The following TMEM67 variants were observed in gnomAD, a reference collection of about 807,000 sequenced individuals.
TMEM67 encodes the protein transmembrane protein 67.
TMEM67 carries 124 observed loss-of-function variants against 136.6 expected under a neutral mutation model. The ratio of observed to expected loss-of-function variants is 0.91; its 90% CI spans 0.78 to 1.05. The LOEUF (loss-of-function observed/expected upper bound fraction) is 1.05, where lower values mean the gene tolerates loss of function less well. TMEM67 is among the 50% of genes least tolerant of loss of function. The pLI, the probability that TMEM67 is intolerant of heterozygous loss-of-function variation, is 0.00. For missense variants in TMEM67, 1,107 were observed against 1,178.4 expected (o/e 0.94, Z 0.89); for synonymous variants, 364 against 390.5 (o/e 0.93, Z 0.80).
At chr8:93,782,660 G>A (rs1170926756) in intron 11 of TMEM67, among the ~76,000 whole-genome samples, 200 bp downstream of exon 11, 2 of 139,002 alleles carry the variant, frequency 1.4e-5, no homozygotes, top group East Asian at 2.4e-4. Context: ...CACAACCTCC[G>A]CCTCCCAGGT....
chr8:93,773,283 G>A (rs184937937), intron 7 of TMEM67, among the ~76,000 whole-genome samples: 4 of 152,292 alleles, frequency 2.6e-5, no homozygotes, highest in East Asian at 1.9e-4. Context: ...GGAGCAGAGT[G>A]AGCAGGGAAA....
intron 21 of TMEM67, 59 bp downstream of exon 21, chr8:93,799,817 C>A: frequency 7.2e-7 from 1 of 1,392,980 alleles, no homozygotes; most frequent in Non-Finnish European, 1.0e-6. Flanking sequence ...ATAACTCTGC[C>A]TAATTACTGA....
intron 13 of TMEM67, among the ~76,000 whole-genome samples, chr8:93,787,610 T>G (rs1290751767): frequency 6.6e-6 from 1 of 152,352 alleles, no homozygotes; most frequent in South Asian, 2.1e-4. Flanking sequence ...TTTGGTTTGC[T>G]TTTTCTTTAA....
chr8:93,788,034 T>A, intron 14 of TMEM67, 85 bp downstream of exon 14: 3 of 200,934 alleles, frequency 1.5e-5, no homozygotes, highest in Non-Finnish European at 2.7e-5. Context: ...AAAGACAGTC[T>A]TTTTTTTTTT....
intron 7 of TMEM67, among the ~76,000 whole-genome samples, chr8:93,778,182 T>C (rs151145587): frequency 0.012 from 1,797 of 152,312 alleles, 78 homozygotes; most frequent in Admixed American, 0.083. Context: ...CAATGCCTGC[T>C]TTCTTTTGCT....
intron 9 of TMEM67, 108 bp downstream of exon 9, chr8:93,781,090 TACTAA>T: frequency 2.7e-6 from 2 of 748,716 alleles, no homozygotes; most frequent in South Asian, 3.0e-5. Context: ...CAAACTCAGT[TACTAA>T]ACTAAATATA....
At chr8:93,824,648 C>A in the TMEM67 span, among the ~76,000 whole-genome samples, 1 of 152,242 alleles carries the variant, frequency 6.6e-6, no homozygotes, top group East Asian at 1.9e-4. Context: ...GAATTCCCAA[C>A]TTCTCTATTT....
At chr8:93,820,821 A>G (rs1184429388), downstream of TMEM67, among the ~76,000 whole-genome samples, 1 of 152,230 alleles carries the variant, frequency 6.6e-6, no homozygotes, top group Non-Finnish European at 1.5e-5. Flanking sequence ...ACTAGAGACT[A>G]CATTAAGACA....
At position 93,781,633 on chromosome 8, in the gene TMEM67, G is replaced by C. The variant is rs746151126; in HGVS notation, c.979-25G>C. Reference sequence around the variant, plus strand: ...GTATTACTTTCAGAGTATTTGACCTGATTTTGCTCGTTTTCTTTAATCAGA... The same window carrying C: ...GTATTACTTTCAGAGTATTTGACCTCATTTTGCTCGTTTTCTTTAATCAGA... On this transcript the variant is annotated intron_variant, in intron 9 of 27. Transcript: ENST00000453321. 14 of 1,231,052 alleles carry C rather than the reference G, an allele frequency of 1.1e-5. No individual in the cohort carries two copies. In the South Asian group the frequency reaches 1.5e-4, roughly 14 times the overall value. 76.3% of individuals were successfully genotyped at this position (1,231,052 alleles called of 1,614,324 possible).
chr8:93,784,745 A>G (rs188898495), intron 11 of TMEM67, among the ~76,000 whole-genome samples: 17 of 152,332 alleles, frequency 1.1e-4, no homozygotes, highest in Non-Finnish European at 2.1e-4. Context: ...AGAAACTACA[A>G]GTAGATTAGT....
At chr8:93,827,579 C>CTTTTT in the TMEM67 span, among the ~76,000 whole-genome samples, 3 of 136,478 alleles carry the variant, frequency 2.2e-5, no homozygotes, top group African/African-American at 8.1e-5. Flanking sequence ...TGTATTTTTT[C>CTTTTT]TTTTTTTTTT....
At chr8:93,769,357 A>T (rs1813232536) in intron 6 of TMEM67, among the ~76,000 whole-genome samples, 1 of 152,218 alleles carries the variant, frequency 6.6e-6, no homozygotes. Flanking sequence ...TGCATCCCAC[A>T]TACTGCCCAA....
At chr8:93,830,936 G>A in the TMEM67 span, among the ~76,000 whole-genome samples, 1 of 152,246 alleles carries the variant, frequency 6.6e-6, no homozygotes, top group Non-Finnish European at 1.5e-5. Flanking sequence ...CTCGTACTTT[G>A]ATTTTAGAAG....
chr8:93,826,768 C>T, the TMEM67 span, among the ~76,000 whole-genome samples: 1 of 152,048 alleles, frequency 6.6e-6, no homozygotes, highest in Non-Finnish European at 1.5e-5. Flanking sequence ...AATTAGAGCC[C>T]ACTTGTTCTT....
At chr8:93,774,471 C>T (rs1161382629) in intron 7 of TMEM67, among the ~76,000 whole-genome samples, 1 of 152,144 alleles carries the variant, frequency 6.6e-6, no homozygotes, top group Non-Finnish European at 1.5e-5. Context: ...ATTAACTCGT[C>T]ATTTACATTA....
chr8:93,774,598 AAC>A (rs1209430875), intron 7 of TMEM67, among the ~76,000 whole-genome samples: 1 of 152,066 alleles, frequency 6.6e-6, no homozygotes, highest in Non-Finnish European at 1.5e-5. Flanking sequence ...TATGAGAGAG[AAC>A]ACAGAGTGTT....
chr8:93,829,382 CTG>C, the TMEM67 span, among the ~76,000 whole-genome samples: 887 of 137,306 alleles, frequency 6.5e-3, 6 homozygotes, highest in Middle Eastern at 0.029. Context: ...CTCTCTCTCT[CTG>C]TGTGTGTGTG....
intron 6 of TMEM67, among the ~76,000 whole-genome samples, chr8:93,770,840 C>T (rs1265741381): frequency 6.6e-6 from 1 of 152,008 alleles, no homozygotes; most frequent in Non-Finnish European, 1.5e-5. Context: ...CATGGTGAAA[C>T]CCCATCTCTA....
chr8:93,803,461 A>G, intron 21 of TMEM67, 143 bp from the exon 22 acceptor site: 2 of 580,508 alleles, frequency 3.4e-6, no homozygotes, highest in Non-Finnish European at 6.3e-6. Context: ...AGAAATGACA[A>G]GTAGGACTTT....
Sources: allele counts gnomAD v4.1 joint callset (sites outside exome capture counted in the v4.1 genomes callset), GRCh38; gene constraint gnomAD v4.1.1; transcripts MANE v1.5; gene names NCBI Gene and HGNC (gene_info 2026-07-23, HGNC 2026-07-21).